The following TNS3 variants were observed in gnomAD, a reference collection of about 807,000 sequenced individuals.
TNS3 encodes the protein tensin-3.
TNS3 carries 45 observed loss-of-function variants against 140.9 expected under a neutral mutation model. The observed-to-expected ratio is 0.32, with a 90% CI of 0.25 to 0.41. The LOEUF is 0.41. Among genes scored for constraint, TNS3 ranks in the 10% least tolerant of loss-of-function variants. The pLI is 1.00. For synonymous variants in TNS3, 815 were observed against 788.4 expected (o/e 1.03, Z -0.56); for missense variants, 1,716 against 1,906.7 (o/e 0.90, Z 1.86).
intron 20 of TNS3, among the ~76,000 whole-genome samples, chr7:47,316,094 T>TTCTC (rs56939479): frequency 0.014 from 1,429 of 105,794 alleles, 47 homozygotes; most frequent in Non-Finnish European, 0.02. Context: ...AACTAACTAT[T>TTCTC]TCTCTCTCTC....
At chr7:47,281,941 A>T (rs1237289142) in intron 28 of TNS3, among the ~76,000 whole-genome samples, 1 of 140,436 alleles carries the variant, frequency 7.1e-6, no homozygotes, top group East Asian at 2.2e-4. Flanking sequence ...CCTGACCCTG[A>T]CCCTGAGTCC....
intron 1 of TNS3, among the ~76,000 whole-genome samples, chr7:47,575,140 C>T (rs941157380): frequency 6.6e-6 from 1 of 152,220 alleles, no homozygotes; most frequent in Non-Finnish European, 1.5e-5. Context: ...TATGTGCAAG[C>T]ATAACACAGG....
chr7:47,303,585 C>A lies in TNS3; in HGVS notation c.2823-1G>T. Reference sequence around the variant, plus strand: ...CCACTGGCGTTCTGCAGAAGAGGAGCTGTTCAAAAGACAAGCCGACCAAGA... The same window carrying A: ...CCACTGGCGTTCTGCAGAAGAGGAGATGTTCAAAAGACAAGCCGACCAAGA... On this transcript the variant is annotated splice_acceptor_variant, in intron 21 of 30. Coordinates refer to ENST00000311160, the MANE Select transcript of TNS3 (RefSeq NM_022748.12). LOFTEE classifies it high-confidence loss of function. The A allele has an allele frequency of 6.3e-7, 1 of 1,586,162 alleles. No homozygotes were observed.
intron 20 of TNS3, among the ~76,000 whole-genome samples, chr7:47,337,009 C>T (rs1400973328): frequency 6.6e-6 from 1 of 152,094 alleles, no homozygotes; most frequent in Non-Finnish European, 1.5e-5. Flanking sequence ...TTTCATCCCC[C>T]ACACTTGATA....
At chr7:47,339,845 T>C (rs1321219903) in intron 20 of TNS3, among the ~76,000 whole-genome samples, 2 of 151,744 alleles carry the variant, frequency 1.3e-5, no homozygotes, top group Admixed American at 6.6e-5. Context: ...CTTATTGAAA[T>C]ATTCTGTGGT....
intron 2 of TNS3, among the ~76,000 whole-genome samples, chr7:47,508,335 A>G (rs1288265622): frequency 6.6e-6 from 1 of 152,238 alleles, no homozygotes; most frequent in Non-Finnish European, 1.5e-5. Context: ...AAGATTATTC[A>G]CAAAGACATG....
chr7:47,367,698 CT>C (rs1790788403), intron 17 of TNS3, among the ~76,000 whole-genome samples: 1 of 152,224 alleles, frequency 6.6e-6, no homozygotes, highest in Non-Finnish European at 1.5e-5. Flanking sequence ...CCCCTCACCC[CT>C]GGGCCTGTTC....
At chr7:47,577,090 C>A (rs1349830412) in intron 1 of TNS3, among the ~76,000 whole-genome samples, 1 of 152,218 alleles carries the variant, frequency 6.6e-6, no homozygotes, top group African/African-American at 2.4e-5. Flanking sequence ...AAGGAGGTGA[C>A]ACACTTTAGT....
At chr7:47,474,613 C>T (rs1263686301) in intron 4 of TNS3, among the ~76,000 whole-genome samples, 2 of 143,454 alleles carry the variant, frequency 1.4e-5, no homozygotes, top group Non-Finnish European at 3.1e-5. Context: ...CACAAAACAC[C>T]TCACACACAA....
intron 1 of TNS3, among the ~76,000 whole-genome samples, chr7:47,568,594 CAAT>C (rs1800481363): frequency 6.6e-6 from 1 of 152,256 alleles, no homozygotes; most frequent in Non-Finnish European, 1.5e-5. Flanking sequence ...CACACACAGT[CAAT>C]AATTCATGCC....
intron 8 of TNS3, among the ~76,000 whole-genome samples, chr7:47,433,426 A>T (rs1283623584): frequency 1.3e-5 from 2 of 152,216 alleles, no homozygotes; most frequent in South Asian, 2.1e-4. Context: ...ACATGTTCCC[A>T]TGAATTCCAC....
intron 4 of TNS3, 92 bp downstream of exon 4, chr7:47,481,011 C>T (rs1459958647): frequency 9.4e-7 from 1 of 1,067,746 alleles, no homozygotes; most frequent in East Asian, 5.9e-5. Flanking sequence ...CTAGAGGAAG[C>T]CAAAAGATCC....
At position 47,280,190 on chromosome 7, in the gene TNS3, C is replaced by T. The variant is rs1455511524; in HGVS notation, c.4167G>A (p.Lys1389=). Residue 1389 remains lysine (K), a splice_region_variant and synonymous_variant, in exon 30 of 31, where the codon AAG becomes AAA. Transcript: ENST00000311160. The part of the protein sequence containing the change: ...IFCALDPQDR[K]WIKDGPSSKV... The stretch of plus-strand genomic sequence containing the variant: ...TTGAGGAAGGGCCATCTTTGATCCA[C>T]CTTGCAAATTAAAGAGAAAAACAGA... 4.3e-6 allele frequency: 7 copies of T among 1,614,132 alleles called. No individual in the cohort carries two copies. In the Admixed American group the frequency reaches 8.3e-5, roughly 19 times the overall value.
Position 47,298,060 on chromosome 7 carries a change from A to G in TNS3, c.3545-847T>C, listed in dbSNP as rs55660013. Among the ~76,000 whole-genome samples, 1,231 of 152,336 alleles carry G rather than the reference A, an allele frequency of 8.1e-3. 16 individuals are homozygous for G. Among genetic ancestry groups the G allele is most frequent in the African/African-American group, 0.028 (1,160 of 41,584 alleles). ...CTCAGCCTCCCAAAGTGCTGGGATT[A>G]CAGGCGTGAGCCACTGCGCCTGGCC... On this transcript the variant is annotated intron_variant, in intron 23 of 30. Transcript: ENST00000311160.
intron 16 of TNS3, among the ~76,000 whole-genome samples, chr7:47,375,481 T>C (rs1341809192): frequency 4.6e-5 from 7 of 152,204 alleles, no homozygotes; most frequent in African/African-American, 1.7e-4. Context: ...AGAGCATACA[T>C]TCTTGTCTCC....
intron 9 of TNS3, among the ~76,000 whole-genome samples, chr7:47,427,128 A>AT (rs1025753140): frequency 8.8e-5 from 13 of 148,028 alleles, no homozygotes; most frequent in South Asian, 4.3e-4. Context: ...TCTGTCAAAA[A>AT]AAAAAAAAAA....
chr7:47,277,843 C>T lies in TNS3; in HGVS notation c.*233G>A. The stretch of plus-strand genomic sequence containing the variant: ...GTGCACCCATGCCCAGCTTCTTCTA[C>T]CCAAAAAGCATGTGGCTACAGAGAT... On this transcript the variant is annotated 3_prime_UTR_variant, in exon 31 of 31. Coordinates refer to ENST00000311160, the MANE Select transcript of TNS3 (RefSeq NM_022748.12). The T allele has an allele frequency of 1.6e-6, 1 of 613,342 alleles. No homozygotes were observed. Among genetic ancestry groups the T allele is most frequent in the Middle Eastern group, 3.3e-4 (1 of 3,058 alleles). 38.0% of individuals were successfully genotyped at this position (613,342 alleles called of 1,614,324 possible).
chr7:47,386,786 G>T (rs1275643994), intron 16 of TNS3, among the ~76,000 whole-genome samples: 1 of 152,242 alleles, frequency 6.6e-6, no homozygotes, highest in Non-Finnish European at 1.5e-5. Flanking sequence ...CAAGTCTGAA[G>T]ATCCATTAAA....
At chr7:47,475,457 G>A (rs1797155160) in intron 4 of TNS3, among the ~76,000 whole-genome samples, 1 of 152,242 alleles carries the variant, frequency 6.6e-6, no homozygotes, top group African/African-American at 2.4e-5. Context: ...TCCCACACCA[G>A]AGGCCGCCAC....
Sources: allele counts gnomAD v4.1 joint callset (sites outside exome capture counted in the v4.1 genomes callset), GRCh38; gene constraint gnomAD v4.1.1; transcripts MANE v1.5; gene names NCBI Gene and HGNC (gene_info 2026-07-23, HGNC 2026-07-21).